Variants in SLC18A1 observed in about 807,000 individuals in gnomAD.
The protein encoded by SLC18A1 is chromaffin granule amine transporter.
A neutral mutation model predicts 53.7 loss-of-function variants in SLC18A1; 69 were observed. The observed-to-expected ratio is 1.28, with a 90% CI of 1.06 to 1.57. The LOEUF is 1.57. SLC18A1 is among the 40% of genes most tolerant of loss of function. SLC18A1 has a pLI of 0.00. For missense variants in SLC18A1, 932 were observed against 668.1 expected, an observed-to-expected ratio of 1.40 and a Z score of -4.35; for synonymous variants, 320 against 248.1, an observed-to-expected ratio of 1.29 and a Z score of -2.72.
At chr8:20,148,904 T>C (rs2071474296) in intron 12 of SLC18A1, among the ~76,000 whole-genome samples, 1 of 152,160 alleles carries the variant, frequency 6.6e-6, no homozygotes. Context: ...GACAACCCTG[T>C]GGACACCATC....
chr8:20,160,689 G>T (rs2071809197), intron 10 of SLC18A1, among the ~76,000 whole-genome samples: 1 of 152,034 alleles, frequency 6.6e-6, no homozygotes, highest in African/African-American at 2.4e-5. Flanking sequence ...GTCTTAGTCT[G>T]TTTTATTTTT....
Position 20,165,028 on chromosome 8 carries a change from G to A in SLC18A1, c.919+19C>T. ...AGCCCAGACACTCCCCGCCCAATGGGAGGTCATCGCCAGCTTACCTGCAGC... is the reference window on the plus strand; with the variant it reads ...AGCCCAGACACTCCCCGCCCAATGGAAGGTCATCGCCAGCTTACCTGCAGC... On this transcript the variant is annotated intron_variant, in intron 9 of 15. Transcript: ENST00000276373. 1 of 1,614,108 alleles carries A rather than the reference G, an allele frequency of 6.2e-7. No individual in the cohort carries two copies. Among genetic ancestry groups the A allele is most frequent in the Non-Finnish European group, 8.5e-7 (1 of 1,179,964 alleles).
chr8:20,165,158 T>G, intron 8 of SLC18A1, 51 bp from the exon 9 acceptor site: 3 of 1,467,790 alleles, frequency 2.0e-6, no homozygotes, highest in South Asian at 1.1e-5. Context: ...CATACATCTC[T>G]CCTATTTTCA....
In SLC18A1 at chr8:20,145,749, A is replaced by G; in HGVS notation, c.*14T>C. On this transcript the variant is annotated 3_prime_UTR_variant, in exon 16 of 16. Coordinates refer to ENST00000276373, the MANE Select transcript of SLC18A1 (RefSeq NM_003053.4). ...TCACTGAGGCATCATGAATTCAAGG[A>G]GCACCTTCTGCTGCTACTCCTCATG... The G allele has an allele frequency of 6.4e-7, 1 of 1,554,344 alleles. No individual in the cohort carries two copies. Among genetic ancestry groups the G allele is most frequent in the Non-Finnish European group, 8.8e-7 (1 of 1,131,876 alleles).
At chr8:20,178,121 AACACAC>A (rs10560327) in intron 4 of SLC18A1, among the ~76,000 whole-genome samples, 16 of 148,786 alleles carry the variant, frequency 1.1e-4, no homozygotes, top group East Asian at 4.0e-4. Flanking sequence ...TGATGCATAT[AACACAC>A]ACACACACAC....
At chr8:20,154,183 T>C (rs552106364) in intron 10 of SLC18A1, among the ~76,000 whole-genome samples, 53 of 152,336 alleles carry the variant, frequency 3.5e-4, no homozygotes, top group African/African-American at 1.2e-3. Context: ...GATATTCCTT[T>C]ATAGCCATGC....
chr8:20,179,332 C>T lies in SLC18A1; in HGVS notation c.277G>A (p.Glu93Lys). The T allele has an allele frequency of 7.4e-6, 12 of 1,614,172 alleles. No homozygotes were observed. Among genetic ancestry groups the T allele is most frequent in the Non-Finnish European group, 1.0e-5 (12 of 1,180,048 alleles). Residue 93 changes from glutamate to lysine, a missense_variant, in exon 3 of 16, where the codon GAA (glutamate) becomes AAA (lysine). By Grantham distance (56) the Glu-to-Lys change is moderately conservative (BLOSUM62 1). Transcript: ENST00000276373. ...GCTATTCCACTAGGTACGCTTTCTT[C>T]AACAGCCACGGTGTTGTTGTTGAAG... is the stretch of plus-strand genomic sequence containing the variant. ...SFFNNNTVAV[E>K]ESVPSGIAWM...
chr8:20,145,875 G>C lies in SLC18A1; in HGVS notation c.1466C>G (p.Ala489Gly), dbSNP rs775328380. The C allele has an allele frequency of 1.3e-6, 2 of 1,583,464 alleles. No individual in the cohort carries two copies. Among genetic ancestry groups the C allele is most frequent in the Non-Finnish European group, 1.7e-6 (2 of 1,162,308 alleles). ...CATGGGGCAGTCCTGACTCAGAATA[G>C]CCTGCAGAGAGAGGCAAGAAGAGAA... The part of the protein sequence containing the change: ...RSPPAKEEKL[A>G]ILSQDCPMET... The change falls in exon 16 of 16, where the codon GCT becomes GGT. Residue 489 changes from alanine (A) to glycine (G), a missense_variant and splice_region_variant. Coordinates refer to ENST00000276373, the MANE Select transcript of SLC18A1 (RefSeq NM_003053.4).
At position 20,171,087 on chromosome 8, in the gene SLC18A1, C is replaced by T. The variant is rs762194316; in HGVS notation, c.858+16G>A. Reference sequence around the variant, plus strand: ...TCCTGTATAACTGTTAGAAATGGAGCTTTGTGTCTGCTTACCTCAGGAGAG... The same window carrying T: ...TCCTGTATAACTGTTAGAAATGGAGTTTTGTGTCTGCTTACCTCAGGAGAG... On this transcript the variant is annotated intron_variant, in intron 8 of 15. Coordinates refer to ENST00000276373, the MANE Select transcript of SLC18A1 (RefSeq NM_003053.4). 1.9e-6 allele frequency: 3 copies of T among 1,613,828 alleles called. No individual in the cohort carries two copies. Among genetic ancestry groups the T allele is most frequent in the Non-Finnish European group, 2.5e-6 (3 of 1,179,722 alleles).
intron 10 of SLC18A1, among the ~76,000 whole-genome samples, chr8:20,154,859 A>G (rs2071643378): frequency 6.6e-6 from 1 of 152,184 alleles, no homozygotes; most frequent in Non-Finnish European, 1.5e-5. Flanking sequence ...GAGCGCTGCC[A>G]TCACAGACCC....
chr8:20,182,675 C>A (rs1405807872), intron 1 of SLC18A1, among the ~76,000 whole-genome samples: 1 of 152,230 alleles, frequency 6.6e-6, no homozygotes, highest in Non-Finnish European at 1.5e-5. Flanking sequence ...AAGCCCAGGG[C>A]TGGAAGAACC....
At chr8:20,171,034 G>T in intron 8 of SLC18A1, 69 bp downstream of exon 8, 1 of 1,467,528 alleles carries the variant, frequency 6.8e-7, no homozygotes, top group Non-Finnish European at 9.5e-7. Context: ...TGGTTTGGCA[G>T]GCATGCCTGG....
intron 6 of SLC18A1, 144 bp downstream of exon 6, chr8:20,172,892 C>A: frequency 1.5e-6 from 1 of 649,828 alleles, no homozygotes; most frequent in Admixed American, 2.6e-5. Context: ...GGAAATTTAA[C>A]CTTTTCTCAG....
At chr8:20,161,390 C>T (rs2071826804) in intron 10 of SLC18A1, among the ~76,000 whole-genome samples, 1 of 151,944 alleles carries the variant, frequency 6.6e-6, no homozygotes, top group Non-Finnish European at 1.5e-5. Context: ...AAAAATAATA[C>T]AAAAAAGAAA....
chr8:20,175,509 T>G (rs1158169935), intron 4 of SLC18A1: 2 of 152,176 alleles, frequency 1.3e-5, no homozygotes, highest in African/African-American at 4.8e-5. Context: ...ATAAAAGTAT[T>G]AATTTGGGGA....
At chr8:20,176,305 C>G (rs962693787) in intron 4 of SLC18A1, among the ~76,000 whole-genome samples, 1 of 152,180 alleles carries the variant, frequency 6.6e-6, no homozygotes, top group Non-Finnish European at 1.5e-5. Context: ...AGCCAGCTCC[C>G]CTTCACCTTC....
At position 20,144,924 on chromosome 8, in the gene SLC18A1, T is replaced by C. The variant is rs2071356595; in HGVS notation, c.*839A>G. On this transcript the variant is annotated 3_prime_UTR_variant, in exon 16 of 16. Coordinates refer to ENST00000276373, the MANE Select transcript of SLC18A1 (RefSeq NM_003053.4). ...ACATTACACCCCTCCTGTTAGGAAA[T>C]CTACAATCAGGAGGGATTTCAAGGC... The C allele has an allele frequency of 6.6e-6, 1 of 152,164 alleles. No homozygotes were observed. The highest frequency in any genetic ancestry group is 6.5e-5 in the Admixed American group (1 of 15,274). The allele number at this position is 152,164 out of a possible 1,614,324, so 9.4% of individuals were successfully genotyped here. A position where few individuals can be genotyped will look rare whatever the true frequency, so the allele number is the denominator to read the frequency against.
In SLC18A1 at chr8:20,150,663, T is replaced by C. The variant is rs1208580861; in HGVS notation, c.1094+3A>G. 6.2e-7 allele frequency: 1 copy of C among 1,613,734 alleles called. No homozygotes were observed. The highest frequency in any genetic ancestry group is 8.5e-7 in the Non-Finnish European group (1 of 1,179,644). Reference sequence around the variant, plus strand: ...GTTCGTCCCAGATCCCGAGGCTACATACCGACCCATCTTGTTGGCCAACAC... The same window carrying C: ...GTTCGTCCCAGATCCCGAGGCTACACACCGACCCATCTTGTTGGCCAACAC... On this transcript the variant is annotated splice_donor_region_variant and intron_variant, in intron 11 of 15. Transcript: ENST00000276373.
chr8:20,173,630 A>G (rs2072181999), intron 5 of SLC18A1, among the ~76,000 whole-genome samples: 2 of 152,238 alleles, frequency 1.3e-5, no homozygotes, highest in Non-Finnish European at 1.5e-5. Flanking sequence ...TGCCAACTTC[A>G]TAAGATTGCA....
Sources: allele counts gnomAD v4.1 joint callset (sites outside exome capture counted in the v4.1 genomes callset), GRCh38; gene constraint gnomAD v4.1.1; transcripts MANE v1.5; gene names NCBI Gene and HGNC (gene_info 2026-07-23, HGNC 2026-07-21).